The following MITF variants were observed in gnomAD, a reference collection of about 807,000 sequenced individuals.
MITF encodes melanocyte inducing transcription factor, also known as microphthalmia-associated transcription factor.
A neutral mutation model predicts 60.5 loss-of-function variants in MITF; 17 were observed. The observed-to-expected ratio is 0.28, with a 90% CI of 0.19 to 0.42. The LOEUF is 0.42. MITF is among the 10% of genes least tolerant of loss of function. The probability of loss-of-function intolerance (pLI) is 1.00; values close to 1 mark genes in which losing one functional copy is unlikely to be tolerated. For synonymous variants in MITF, 260 were observed against 248.5 expected (o/e 1.05, Z -0.43); for missense variants, 622 against 683.5 (o/e 0.91, Z 1.00).
chr3:69,855,349 G>A, intron 1 of MITF, among the ~76,000 whole-genome samples: 1 of 148,980 alleles, frequency 6.7e-6, no homozygotes, highest in Middle Eastern at 3.5e-3. Flanking sequence ...ATAAATACAT[G>A]TTAATAAAGA....
At chr3:69,865,433 G>C (rs1053917485) in intron 1 of MITF, among the ~76,000 whole-genome samples, 5 of 152,168 alleles carry the variant, frequency 3.3e-5, no homozygotes, top group African/African-American at 1.2e-4. Context: ...GAGTCCTGTA[G>C]GAGCTGCATG....
At chr3:69,876,682 G>A (rs1462706422) in intron 1 of MITF, among the ~76,000 whole-genome samples, 2 of 152,144 alleles carry the variant, frequency 1.3e-5, no homozygotes, top group African/African-American at 2.4e-5. Flanking sequence ...AGAAAATGTA[G>A]GAAAACATGA....
chr3:69,817,669 T>A (rs1165017752), intron 1 of MITF, among the ~76,000 whole-genome samples: 3 of 152,258 alleles, frequency 2.0e-5, no homozygotes, highest in East Asian at 1.9e-4. Context: ...TGAAAAAAAA[T>A]GAATCAAATA....
At chr3:69,872,664 A>G (rs978253187) in intron 1 of MITF, among the ~76,000 whole-genome samples, 2 of 152,144 alleles carry the variant, frequency 1.3e-5, no homozygotes, top group African/African-American at 4.8e-5. Flanking sequence ...CTTGATTTTT[A>G]TCTAATCAGT....
At chr3:69,841,979 T>C (rs1361292282) in intron 1 of MITF, among the ~76,000 whole-genome samples, 2 of 152,244 alleles carry the variant, frequency 1.3e-5, no homozygotes, top group Non-Finnish European at 2.9e-5. Flanking sequence ...GCAGTATACT[T>C]TCATGACATA....
chr3:69,756,246 A>G (rs2106786141), intron 1 of MITF, among the ~76,000 whole-genome samples: 1 of 152,112 alleles, frequency 6.6e-6, no homozygotes, highest in Non-Finnish European at 1.5e-5. Flanking sequence ...CAAGCCCTAC[A>G]TGCATTAGGT....
intron 2 of MITF, among the ~76,000 whole-genome samples, chr3:69,899,311 G>A (rs1223306006): frequency 6.6e-6 from 1 of 152,208 alleles, no homozygotes; most frequent in Non-Finnish European, 1.5e-5. Context: ...TGAGAATTGT[G>A]CACTACAAGG....
intron 1 of MITF, among the ~76,000 whole-genome samples, chr3:69,877,605 A>G (rs80277314): frequency 3.0e-3 from 462 of 152,292 alleles, no homozygotes; most frequent in Non-Finnish European, 4.2e-3. Flanking sequence ...TTCTCTGACA[A>G]TATACTGAGC....
intron 1 of MITF, among the ~76,000 whole-genome samples, chr3:69,743,624 G>T (rs1559603997): frequency 6.6e-6 from 1 of 152,186 alleles, no homozygotes; most frequent in Non-Finnish European, 1.5e-5. Flanking sequence ...GTGGGAAAAG[G>T]TTCCAATGAA....
chr3:69,740,845 G>A (rs1453453686), intron 1 of MITF, among the ~76,000 whole-genome samples: 1 of 152,206 alleles, frequency 6.6e-6, no homozygotes, highest in Non-Finnish European at 1.5e-5. Flanking sequence ...GGCTGGCAGA[G>A]TGGGAGAGGG....
intron 1 of MITF, among the ~76,000 whole-genome samples, chr3:69,756,514 T>G (rs1432908247): frequency 6.6e-6 from 1 of 152,206 alleles, no homozygotes; most frequent in East Asian, 1.9e-4. Context: ...TGTGCTACAT[T>G]TTCTTTATCC....
intron 1 of MITF, among the ~76,000 whole-genome samples, chr3:69,857,499 C>G (rs1364809431): frequency 6.6e-6 from 1 of 151,234 alleles, no homozygotes; most frequent in African/African-American, 2.4e-5. Flanking sequence ...TCTTTTTTCA[C>G]ATAAGGCAGA....
intron 2 of MITF, among the ~76,000 whole-genome samples, chr3:69,918,938 A>G (rs2065399866): frequency 6.6e-6 from 1 of 152,224 alleles, no homozygotes; most frequent in Admixed American, 6.5e-5. Flanking sequence ...AGGGAAAAAG[A>G]ATAAAAAATT....
At chr3:69,746,771 A>G (rs1703742429) in intron 1 of MITF, among the ~76,000 whole-genome samples, 1 of 152,214 alleles carries the variant, frequency 6.6e-6, no homozygotes. Context: ...AATTATACCA[A>G]GGGATAAGTC....
intron 1 of MITF, among the ~76,000 whole-genome samples, chr3:69,823,562 G>A (rs79151317): frequency 0.16 from 24,710 of 152,162 alleles, 2,203 homozygotes; most frequent in Non-Finnish European, 0.21. Flanking sequence ...CCCCACCACC[G>A]AATATCATCA....
At chr3:69,780,316 T>C (rs2062543132) in intron 1 of MITF, among the ~76,000 whole-genome samples, 1 of 152,196 alleles carries the variant, frequency 6.6e-6, no homozygotes, top group South Asian at 2.1e-4. Flanking sequence ...GCCAGAAATC[T>C]AAATTTCTTT....
At chr3:69,886,172 A>G (rs1444643400) in intron 2 of MITF, among the ~76,000 whole-genome samples, 1 of 152,102 alleles carries the variant, frequency 6.6e-6, no homozygotes, top group African/African-American at 2.4e-5. Flanking sequence ...CTCTCAAATG[A>G]CACGGTAGCT....
chr3:69,907,521 A>G (rs953811100), intron 2 of MITF, among the ~76,000 whole-genome samples: 6 of 152,204 alleles, frequency 3.9e-5, no homozygotes, highest in African/African-American at 1.4e-4. Context: ...CTTTGAGATC[A>G]TGTAGATGAA....
Position 69,965,227 on chromosome 3 carries a change from A to T in MITF, c.1560A>T (p.Glu520Asp). Residue 520 changes from glutamate (E) to aspartate (D), a missense_variant, in exon 10 of 10, where the codon GAA (glutamate) becomes GAT (aspartate). By Grantham distance (45) the Glu-to-Asp change is conservative (BLOSUM62 2). Transcript: ENST00000352241. ...TSSRRSSMSM[E>D]ETEHTC ...GCCGGAGGAGCAGTATGAGCATGGA[A>T]GAGACGGAGCACACTTGTTAGCGAA... 1 of 1,613,964 alleles carries T rather than the reference A, an allele frequency of 6.2e-7. No homozygotes were observed. Among genetic ancestry groups the T allele is most frequent in the Non-Finnish European group, 8.5e-7 (1 of 1,179,848 alleles).
Sources: gnomAD v4.1 joint callset for allele counts (sites outside exome capture counted in the v4.1 genomes callset) on GRCh38, gnomAD v4.1.1 for gene constraint, MANE v1.5 for transcripts, NCBI Gene and HGNC (gene_info 2026-07-23, HGNC 2026-07-21) for gene names.